The following ELAPOR1 variants were observed in gnomAD, a reference collection of about 807,000 sequenced individuals.
ELAPOR1 encodes the protein endosome-lysosome associated apoptosis and autophagy regulator 1, also known as endosome/lysosome-associated apoptosis and autophagy regulator 1.
In ELAPOR1, 77 loss-of-function variants were observed where a neutral mutation model predicts 119.7. That is an observed-to-expected ratio of 0.64 (90% confidence interval 0.54 to 0.78). The LOEUF is 0.78. ELAPOR1 is among the 30% of genes least tolerant of loss of function. The pLI is 0.00. For synonymous variants in ELAPOR1, 481 were observed against 487.2 expected (o/e 0.99, Z 0.17); for missense variants, 1,115 against 1,270.4 (o/e 0.88, Z 1.86).
intron 1 of ELAPOR1, among the ~76,000 whole-genome samples, chr1:109,154,752 G>A (rs907432855): frequency 4.6e-5 from 7 of 152,230 alleles, no homozygotes; most frequent in African/African-American, 1.7e-4. Context: ...CCAGTCATCC[G>A]TGTCTTCTTA....
chr1:109,144,061 A>ATATATATATATATTTTTTTTT, intron 1 of ELAPOR1, among the ~76,000 whole-genome samples: 1 of 89,018 alleles, frequency 1.1e-5, no homozygotes, highest in Non-Finnish European at 2.1e-5. Context: ...ATATTTATAT[A>ATATATATATATATTTTTTTTT]TTTTTTTTTT....
intron 1 of ELAPOR1, among the ~76,000 whole-genome samples, chr1:109,147,117 T>C (rs1455917632): frequency 6.6e-6 from 1 of 150,928 alleles, no homozygotes; most frequent in Non-Finnish European, 1.5e-5. Flanking sequence ...GGTTTCACCA[T>C]GTTGGCCAGG....
intron 21 of ELAPOR1, among the ~76,000 whole-genome samples, 193 bp from the exon 22 acceptor site, chr1:109,202,751 G>T (rs987276756): frequency 2.0e-5 from 3 of 152,242 alleles, no homozygotes; most frequent in African/African-American, 4.8e-5. Context: ...AAAAGAAAAA[G>T]ATTTTTATTG....
chr1:109,185,821 C>T (rs796570118), intron 8 of ELAPOR1, among the ~76,000 whole-genome samples: 15 of 152,258 alleles, frequency 9.9e-5, no homozygotes, highest in African/African-American at 3.4e-4. Flanking sequence ...AGAAGAGAAG[C>T]GACCAGGACT....
intron 1 of ELAPOR1, among the ~76,000 whole-genome samples, chr1:109,122,439 G>C (rs1201927423): frequency 6.7e-6 from 1 of 149,840 alleles, no homozygotes; most frequent in African/African-American, 2.5e-5. Flanking sequence ...CCAGCAGATT[G>C]CTTGAGCCCA....
intron 1 of ELAPOR1, among the ~76,000 whole-genome samples, chr1:109,114,645 G>A (rs991107840): frequency 6.6e-6 from 1 of 152,186 alleles, no homozygotes; most frequent in Non-Finnish European, 1.5e-5. Flanking sequence ...TTATTTTCCA[G>A]TTAGGATGAA....
At chr1:109,146,257 C>G (rs1650171759) in intron 1 of ELAPOR1, among the ~76,000 whole-genome samples, 1 of 151,994 alleles carries the variant, frequency 6.6e-6, no homozygotes, top group Non-Finnish European at 1.5e-5. Context: ...GAAGTCGAGG[C>G]TGCAGTGAGC....
At chr1:109,172,038 G>T in intron 4 of ELAPOR1, 25 bp downstream of exon 4, 1 of 1,613,982 alleles carries the variant, frequency 6.2e-7, no homozygotes, top group Non-Finnish European at 8.5e-7. Context: ...AAGGTGGAGG[G>T]TGGGAGCTAA....
chr1:109,114,414 G>T lies in ELAPOR1; in HGVS notation c.153+78G>T. The T allele has an allele frequency of 4.2e-6, 6 of 1,440,846 alleles. No individual in the cohort carries two copies. The South Asian group carries it at 8.4e-5, about 20-fold the overall frequency. The allele number at this position is 1,440,846 out of a possible 1,614,324, so 89.3% of individuals were successfully genotyped here. ...AGGCGGAGACCTTGGGGACCCAGGC[G>T]CAGAGAGTTTCAGACGCCACGGAGT... On this transcript the variant is annotated intron_variant, in intron 1 of 21. Transcript: ENST00000369939.
intron 1 of ELAPOR1, among the ~76,000 whole-genome samples, chr1:109,116,776 C>T (rs1182722348): frequency 6.6e-6 from 1 of 150,722 alleles, no homozygotes; most frequent in Non-Finnish European, 1.5e-5. Context: ...CTGCAGCTTC[C>T]ACCTCCCAGG....
intron 2 of ELAPOR1, 62 bp downstream of exon 2, chr1:109,162,076 C>A: frequency 6.4e-7 from 1 of 1,552,202 alleles, no homozygotes. Flanking sequence ...CCCCAAGTCT[C>A]CTGCCATCCA....
chr1:109,188,094 C>T, intron 8 of ELAPOR1, 83 bp from the exon 9 acceptor site: 3 of 1,512,916 alleles, frequency 2.0e-6, no homozygotes, highest in East Asian at 2.3e-5. Flanking sequence ...GGATCTCTGC[C>T]CCCAGCCCCT....
At chr1:109,161,409 C>CAAAAAAAAAAAAAAAAAA (rs59573644) in intron 1 of ELAPOR1, among the ~76,000 whole-genome samples, 1 of 56,330 alleles carries the variant, frequency 1.8e-5, no homozygotes, top group Non-Finnish European at 3.5e-5. Flanking sequence ...GACTCCGTCT[C>CAAAAAAAAAAAAAAAAAA]AAAAAAAAAA....
At chr1:109,158,309 CTTTTTTTT>C (rs386368020) in intron 1 of ELAPOR1, among the ~76,000 whole-genome samples, 1 of 131,640 alleles carries the variant, frequency 7.6e-6, no homozygotes, top group Non-Finnish European at 1.6e-5. Flanking sequence ...TGACAGTTTT[CTTTTTTTT>C]TTTTTTTTTG....
chr1:109,192,590 C>T (rs762746558), intron 13 of ELAPOR1, 21 bp from the exon 14 acceptor site: 8 of 1,612,850 alleles, frequency 5.0e-6, no homozygotes, highest in South Asian at 2.2e-5. Flanking sequence ...CCCCTCTCCC[C>T]TCTTGTTTCC....
chr1:109,178,900 G>T (rs1478304762), intron 7 of ELAPOR1, among the ~76,000 whole-genome samples: 1 of 151,644 alleles, frequency 6.6e-6, no homozygotes, highest in East Asian at 1.9e-4. Flanking sequence ...GGGAGGTGGA[G>T]GCTGCAGTGA....
intron 1 of ELAPOR1, among the ~76,000 whole-genome samples, chr1:109,152,297 A>G (rs1300108812): frequency 1.3e-5 from 2 of 152,324 alleles, no homozygotes; most frequent in African/African-American, 2.4e-5. Context: ...CCAGACCCCA[A>G]GGCATCCAGT....
chr1:109,182,974 C>G (rs972177949), intron 7 of ELAPOR1, among the ~76,000 whole-genome samples: 1 of 151,658 alleles, frequency 6.6e-6, no homozygotes, highest in African/African-American at 2.4e-5. Context: ...GCAGGTGACA[C>G]AGCAGTCATA....
At chr1:109,118,502 A>G (rs1236905726) in intron 1 of ELAPOR1, among the ~76,000 whole-genome samples, 4 of 152,212 alleles carry the variant, frequency 2.6e-5, no homozygotes, top group African/African-American at 9.6e-5. Flanking sequence ...GAGATGAGGC[A>G]AGGAGACCAA....
Sources: allele counts gnomAD v4.1 joint callset (sites outside exome capture counted in the v4.1 genomes callset), GRCh38; gene constraint gnomAD v4.1.1; transcripts MANE v1.5; gene names NCBI Gene and HGNC (gene_info 2026-07-23, HGNC 2026-07-21).